DCTN4: variants seen among roughly 807,000 people sequenced by gnomAD.
DCTN4 encodes the protein dynactin 4 (p62).
A neutral mutation model predicts 62.7 loss-of-function variants in DCTN4; 23 were observed. That is an observed-to-expected ratio of 0.37 (90% CI 0.26 to 0.52). DCTN4 has a LOEUF of 0.52. Among genes scored for constraint, DCTN4 ranks in the 20% least tolerant of loss-of-function variants. DCTN4 has a pLI of 0.92. For missense variants in DCTN4, 514 were observed against 580.4 expected (o/e 0.89, Z 1.18); for synonymous variants, 199 against 202.1 (o/e 0.98, Z 0.13).
chr5:150,721,441 C>A (rs971166915), intron 9 of DCTN4, among the ~76,000 whole-genome samples: 24 of 152,216 alleles, frequency 1.6e-4, no homozygotes, highest in African/African-American at 5.1e-4. Flanking sequence ...GTTAAAAGGT[C>A]TATGTAATTT....
chr5:150,754,998 G>A (rs555909913), intron 2 of DCTN4, among the ~76,000 whole-genome samples: 2 of 151,930 alleles, frequency 1.3e-5, no homozygotes, highest in South Asian at 2.1e-4. Flanking sequence ...ATACACACAA[G>A]ATGAGTCTGG....
intron 4 of DCTN4, among the ~76,000 whole-genome samples, chr5:150,739,499 T>C (rs532945801): frequency 2.0e-5 from 3 of 152,142 alleles, no homozygotes; most frequent in South Asian, 2.1e-4. Context: ...AAAATGACCA[T>C]ACTGCCAAAG....
At chr5:150,727,887 T>C (rs886232533) in intron 8 of DCTN4, among the ~76,000 whole-genome samples, 4 of 152,054 alleles carry the variant, frequency 2.6e-5, no homozygotes, top group Admixed American at 2.6e-4. Context: ...TAAAGCATTT[T>C]AAAATATTGA....
In DCTN4 at chr5:150,730,495, G is replaced by A; in HGVS notation, c.834+136C>T. The A allele has an allele frequency of 8.3e-6, 6 of 719,386 alleles. No individual in the cohort carries two copies. In the South Asian group the frequency reaches 9.0e-5, roughly 11 times the overall value. 44.6% of individuals were successfully genotyped at this position (719,386 alleles called of 1,614,324 possible). On this transcript the variant is annotated intron_variant, in intron 8 of 12. Transcript: ENST00000447998. ...ATTGAAAGCATTTAAAATAGTGCCT[G>A]GCAATTAGTATGTTCTCTACAAGTA...
At chr5:150,731,808 A>C (rs921670593) in intron 5 of DCTN4, 1 of 1,350,134 alleles carries the variant, frequency 7.4e-7, no homozygotes, top group Non-Finnish European at 1.0e-6. Flanking sequence ...TAAGATACAC[A>C]ACAGACGTCT....
intron 4 of DCTN4, among the ~76,000 whole-genome samples, chr5:150,739,630 T>C (rs1004434917): frequency 1.3e-5 from 2 of 152,168 alleles, no homozygotes; most frequent in African/African-American, 4.8e-5. Flanking sequence ...AAAGCAAGAC[T>C]AAGCAAAAAG....
intron 3 of DCTN4, among the ~76,000 whole-genome samples, chr5:150,743,739 T>C (rs994470627): frequency 6.6e-6 from 1 of 151,986 alleles, no homozygotes; most frequent in Admixed American, 6.6e-5. Context: ...CAGCTGAGGG[T>C]CCTGTCTGTT....
At chr5:150,735,914 TA>T (rs4036951) in intron 4 of DCTN4, among the ~76,000 whole-genome samples, 10,028 of 125,984 alleles carry the variant, frequency 0.08, 562 homozygotes, top group African/African-American at 0.17. Flanking sequence ...TTAAGGGAAT[TA>T]AAAAAAAAAA....
At chr5:150,737,948 C>T (rs1376368056) in intron 4 of DCTN4, among the ~76,000 whole-genome samples, 1 of 151,776 alleles carries the variant, frequency 6.6e-6, no homozygotes, top group Admixed American at 6.6e-5. Context: ...CAACTGATAC[C>T]ACAGAAACAG....
intron 3 of DCTN4, among the ~76,000 whole-genome samples, chr5:150,745,291 C>G (rs926789183): frequency 7.3e-5 from 11 of 150,738 alleles, no homozygotes; most frequent in African/African-American, 2.7e-4. Context: ...ATTCATAAAG[C>G]AAGTCCTGAG....
At chr5:150,752,726 A>G (rs1473939931) in intron 3 of DCTN4, among the ~76,000 whole-genome samples, 1 of 152,176 alleles carries the variant, frequency 6.6e-6, no homozygotes, top group Admixed American at 6.5e-5. Context: ...TACTATGAGA[A>G]TTGCTGCTCA....
chr5:150,756,938 T>G (rs1752886539), intron 1 of DCTN4, among the ~76,000 whole-genome samples: 1 of 152,258 alleles, frequency 6.6e-6, no homozygotes, highest in African/African-American at 2.4e-5. Flanking sequence ...TAATACAGGT[T>G]GACTGAAGGC....
chr5:150,725,797 A>T (rs1358211651), intron 8 of DCTN4, among the ~76,000 whole-genome samples: 7 of 152,246 alleles, frequency 4.6e-5, no homozygotes, highest in African/African-American at 1.7e-4. Flanking sequence ...TGGCAGCAGC[A>T]GCATGTGCAA....
intron 3 of DCTN4, among the ~76,000 whole-genome samples, chr5:150,743,918 C>T (rs2113110877): frequency 6.6e-6 from 1 of 152,324 alleles, no homozygotes; most frequent in South Asian, 2.1e-4. Context: ...TCCTCACCAG[C>T]AACGGAACAA....
intron 9 of DCTN4, among the ~76,000 whole-genome samples, chr5:150,722,498 A>G (rs1187335157): frequency 6.6e-6 from 1 of 152,248 alleles, no homozygotes; most frequent in Non-Finnish European, 1.5e-5. Flanking sequence ...ATTCCAGTCA[A>G]CGAAGTGTTA....
intron 3 of DCTN4, among the ~76,000 whole-genome samples, chr5:150,752,144 T>A (rs1315394750): frequency 2.0e-5 from 3 of 152,162 alleles, no homozygotes; most frequent in African/African-American, 7.2e-5. Flanking sequence ...ATATAAAGCA[T>A]AAATAGCAAC....
intron 9 of DCTN4, among the ~76,000 whole-genome samples, chr5:150,721,182 C>A (rs1759945143): frequency 6.6e-6 from 1 of 152,202 alleles, no homozygotes; most frequent in Admixed American, 6.5e-5. Context: ...ACTAGACATG[C>A]ACTTCCCAAC....
At chr5:150,742,383 T>G (rs553640777) in intron 3 of DCTN4, among the ~76,000 whole-genome samples, 3 of 152,212 alleles carry the variant, frequency 2.0e-5, no homozygotes, top group African/African-American at 4.8e-5. Flanking sequence ...GCACTTGAAA[T>G]GTATTACATT....
At chr5:150,727,883 A>G (rs956324056) in intron 8 of DCTN4, among the ~76,000 whole-genome samples, 2 of 151,926 alleles carry the variant, frequency 1.3e-5, no homozygotes, top group Admixed American at 6.6e-5. Flanking sequence ...TAAATAAAGC[A>G]TTTTAAAATA....
Sources: gnomAD v4.1 joint callset for allele counts (sites outside exome capture counted in the v4.1 genomes callset) on GRCh38, gnomAD v4.1.1 for gene constraint, MANE v1.5 for transcripts, NCBI Gene and HGNC (gene_info 2026-07-23, HGNC 2026-07-21) for gene names.